TMEM135: variants seen among roughly 807,000 people sequenced by gnomAD.
TMEM135 encodes the protein peroxisomal membrane protein 52.
TMEM135 carries 30 observed loss-of-function variants against 60.3 expected under a neutral mutation model. That is an observed-to-expected ratio of 0.50 (90% CI 0.37 to 0.68). The LOEUF is 0.68. TMEM135 is among the 30% of genes least tolerant of loss of function. TMEM135 has a pLI of 0.00. For synonymous variants in TMEM135, 190 were observed against 186.7 expected (o/e 1.02, Z -0.14); for missense variants, 468 against 548.8 (o/e 0.85, Z 1.47).
At chr11:87,078,422 A>G (rs75579348) in intron 3 of TMEM135, among the ~76,000 whole-genome samples, 8,576 of 152,072 alleles carry the variant, frequency 0.056, 798 homozygotes, top group African/African-American at 0.19. Flanking sequence ...TAATTGGGTT[A>G]TTTATCTTTT....
chr11:87,158,481 A>T (rs539087314), intron 5 of TMEM135, among the ~76,000 whole-genome samples: 94 of 102,790 alleles, frequency 9.1e-4, no homozygotes, highest in Non-Finnish European at 1.2e-3. Flanking sequence ...TTTTTTTTTG[A>T]GACAGAGTCT....
chr11:87,040,834 G>C (rs1042334556), intron 1 of TMEM135, among the ~76,000 whole-genome samples: 1 of 151,982 alleles, frequency 6.6e-6, no homozygotes, highest in Non-Finnish European at 1.5e-5. Context: ...GAATAGTTAC[G>C]CATATTTTTC....
chr11:87,079,764 G>C (rs1208361108), intron 3 of TMEM135, among the ~76,000 whole-genome samples: 2 of 151,304 alleles, frequency 1.3e-5, no homozygotes, highest in Non-Finnish European at 1.5e-5. Context: ...ATCATGAATG[G>C]ATGTAATATT....
intron 6 of TMEM135, among the ~76,000 whole-genome samples, chr11:87,281,777 A>C (rs1942064263): frequency 1.3e-5 from 2 of 152,230 alleles, no homozygotes; most frequent in Non-Finnish European, 2.9e-5. Context: ...CAAAATCTTT[A>C]AGTCAGAACA....
At chr11:87,224,665 C>T (rs1940727560) in intron 5 of TMEM135, among the ~76,000 whole-genome samples, 1 of 151,944 alleles carries the variant, frequency 6.6e-6, no homozygotes, top group Admixed American at 6.6e-5. Flanking sequence ...TCTACTTTGC[C>T]CTACTGAAAA....
chr11:87,170,204 T>G (rs654485), intron 5 of TMEM135, among the ~76,000 whole-genome samples: 2 of 151,894 alleles, frequency 1.3e-5, no homozygotes, highest in Admixed American at 6.6e-5. Context: ...TTTCATGGTT[T>G]TTAGCTTCCT....
intron 4 of TMEM135, among the ~76,000 whole-genome samples, chr11:87,113,587 A>G (rs1857806603): frequency 6.6e-6 from 1 of 152,114 alleles, no homozygotes; most frequent in African/African-American, 2.4e-5. Flanking sequence ...AAGAGACAAA[A>G]AGAGAAAGCA....
At chr11:87,237,874 T>C (rs1941037250) in intron 6 of TMEM135, among the ~76,000 whole-genome samples, 1 of 151,840 alleles carries the variant, frequency 6.6e-6, no homozygotes, top group Non-Finnish European at 1.5e-5. Flanking sequence ...ATGAGTTCAA[T>C]TGTTTTGATT....
At position 87,161,719 on chromosome 11, in the gene TMEM135, A is replaced by G. The variant is rs553366337; in HGVS notation, c.462+4313A>G. ...CTGTAGCCAGTGAGTTGATTTGTCT[A>G]TTGTGGCTCTATTGTTTGAATTTTT... On this transcript the variant is annotated intron_variant, in intron 5 of 14. Transcript: ENST00000305494. Among the ~76,000 whole-genome samples, 7 of 152,274 alleles carry G rather than the reference A, an allele frequency of 4.6e-5. No individual in the cohort carries two copies. In the South Asian group the frequency reaches 6.2e-4, roughly 14 times the overall value.
At chr11:87,067,169 A>T (rs909629973) in intron 1 of TMEM135, among the ~76,000 whole-genome samples, 7 of 147,358 alleles carry the variant, frequency 4.8e-5, no homozygotes, top group African/African-American at 1.7e-4. Flanking sequence ...TACTAAATAT[A>T]TATATATATA....
At chr11:87,151,368 A>G (rs1040338225) in intron 4 of TMEM135, among the ~76,000 whole-genome samples, 4 of 152,028 alleles carry the variant, frequency 2.6e-5, no homozygotes, top group Non-Finnish European at 5.9e-5. Context: ...TCCTTTTCTT[A>G]TAACATCCTA....
chr11:87,247,147 G>A (rs1941298765), intron 6 of TMEM135, among the ~76,000 whole-genome samples: 1 of 151,404 alleles, frequency 6.6e-6, no homozygotes, highest in Non-Finnish European at 1.5e-5. Context: ...GGTACCAGCA[G>A]CCGTGGCTGC....
At chr11:87,118,169 T>A (rs999307271) in intron 4 of TMEM135, among the ~76,000 whole-genome samples, 1 of 152,208 alleles carries the variant, frequency 6.6e-6, no homozygotes, top group African/African-American at 2.4e-5. Flanking sequence ...GTTGTTTCAT[T>A]TATGGAACAT....
intron 6 of TMEM135, among the ~76,000 whole-genome samples, chr11:87,252,798 A>ATGTGTGTGTGTGTG (rs558272693): frequency 0.011 from 1,446 of 134,140 alleles, 23 homozygotes; most frequent in South Asian, 0.039. Context: ...TAAAATATAT[A>ATGTGTGTGTGTGTG]TGTGTGTGTG....
intron 1 of TMEM135, among the ~76,000 whole-genome samples, chr11:87,044,820 T>C (rs1243856199): frequency 6.6e-6 from 1 of 151,360 alleles, no homozygotes; most frequent in Non-Finnish European, 1.5e-5. Flanking sequence ...CAGCTAATTT[T>C]TGTATTTTTA....
intron 6 of TMEM135, among the ~76,000 whole-genome samples, chr11:87,273,319 T>G (rs1010153946): frequency 6.6e-6 from 1 of 152,200 alleles, no homozygotes; most frequent in African/African-American, 2.4e-5. Flanking sequence ...TACCTACCCG[T>G]GTTTATCAGA....
chr11:87,169,683 T>C (rs557258941), intron 5 of TMEM135, among the ~76,000 whole-genome samples: 23 of 152,220 alleles, frequency 1.5e-4, no homozygotes, highest in Non-Finnish European at 3.1e-4. Flanking sequence ...GTTAGTCTGA[T>C]GGACTTCCCG....
At position 87,274,925 on chromosome 11, in the gene TMEM135, A is replaced by G. The variant is rs183007674; in HGVS notation, c.510-20857A>G. ...GATTATTAAGTTAACTGGTTTCTGA[A>G]GAACTCTTTTTTCCCCCTAAGGAGT... On this transcript the variant is annotated intron_variant, in intron 6 of 14. Transcript: ENST00000305494. 3.4e-3 allele frequency among the ~76,000 whole-genome samples: 507 copies of G among 150,724 alleles called. 2 individuals carry two copies. Among genetic ancestry groups the G allele is most frequent in the Non-Finnish European group, 5.7e-3 (385 of 67,712 alleles).
intron 1 of TMEM135, among the ~76,000 whole-genome samples, chr11:87,060,028 C>T (rs1470684560): frequency 6.6e-5 from 10 of 152,072 alleles, no homozygotes; most frequent in Admixed American, 6.5e-4. Flanking sequence ...GCAGGAGAAT[C>T]GCTTGAACCG....
Sources: gnomAD v4.1 joint callset for allele counts (sites outside exome capture counted in the v4.1 genomes callset) on GRCh38, gnomAD v4.1.1 for gene constraint, MANE v1.5 for transcripts, NCBI Gene and HGNC (gene_info 2026-07-23, HGNC 2026-07-21) for gene names.